The following ARHGAP11A variants were observed in gnomAD, a reference collection of about 807,000 sequenced individuals.
ARHGAP11A encodes the protein Rho GTPase activating protein 11A.
ARHGAP11A carries 36 observed loss-of-function variants against 60.5 expected under a neutral mutation model. That is an observed-to-expected ratio of 0.59 (90% CI 0.46 to 0.79). The LOEUF is 0.79. Among genes scored for constraint, ARHGAP11A ranks in the 30% least tolerant of loss-of-function variants. The pLI, the probability that ARHGAP11A is intolerant of heterozygous loss-of-function variation, is 0.00. For missense variants in ARHGAP11A, 1,071 were observed against 1,199.2 expected, an observed-to-expected ratio of 0.89 and a Z score of 1.58; for synonymous variants, 362 against 415.5, an observed-to-expected ratio of 0.87 and a Z score of 1.57.
chr15:32,628,048 A>C (rs1406783321), intron 6 of ARHGAP11A, among the ~76,000 whole-genome samples: 1 of 152,126 alleles, frequency 6.6e-6, no homozygotes, highest in East Asian at 1.9e-4. Context: ...GACATCAAGT[A>C]ATCTGCTTGC....
rs368624593 is a variant in ARHGAP11A, at chr15:32,616,173, A to T, written c.-39A>T. 2.9e-5 allele frequency: 46 copies of T among 1,608,706 alleles called. No homozygotes were observed. The African/African-American group carries it at 5.6e-4, about 20-fold the overall frequency. ...GACTTGGTGGCGAACGAGGGTCAGG[A>T]CCTGCATCCTGCCTCAGAGAGTTAT... On this transcript the variant is annotated 5_prime_UTR_variant, in exon 1 of 12. Coordinates refer to ENST00000361627, the MANE Select transcript of ARHGAP11A (RefSeq NM_014783.6).
In ARHGAP11A at chr15:32,637,620, A is replaced by G. The variant is rs2053755478; in HGVS notation, c.2847A>G (p.Lys949=). 1.9e-6 allele frequency: 3 copies of G among 1,614,046 alleles called. No individual in the cohort carries two copies. The highest frequency in any genetic ancestry group is 2.5e-6 in the Non-Finnish European group (3 of 1,180,048). The change falls in exon 12 of 12, where the codon AAA becomes AAG. Residue 949 remains lysine (K), a synonymous_variant. Transcript: ENST00000361627. The part of the protein sequence containing the change: ...NASLRSTTVY[K]QKILSDGQVK... ...CTCTTAGGTCTACTACAGTTTATAA[A>G]CAGAAGATCTTATCTGATGGCCAAG...
chr15:32,633,136 A>T, intron 9 of ARHGAP11A, 28 bp downstream of exon 9: 1 of 1,612,264 alleles, frequency 6.2e-7, no homozygotes, highest in South Asian at 1.1e-5. Flanking sequence ...TTTTGTTTTC[A>T]TCGGATAAAT....
intron 2 of ARHGAP11A, among the ~76,000 whole-genome samples, chr15:32,621,129 A>AATCTATT (rs1555429621): frequency 1.1e-5 from 1 of 90,846 alleles, no homozygotes; most frequent in Non-Finnish European, 2.1e-5. Context: ...TGTTTGTGAA[A>AATCTATT]ATGTATCACT....
At chr15:32,629,876 G>A in intron 8 of ARHGAP11A, 114 bp downstream of exon 8, 1 of 703,978 alleles carries the variant, frequency 1.4e-6, no homozygotes, top group South Asian at 2.5e-5. Flanking sequence ...ACTTTATTCT[G>A]TTTTATCCAA....
At position 32,616,460 on chromosome 15, in the gene ARHGAP11A, A is replaced by T. The variant is rs998036374; in HGVS notation, c.129+120A>T. Reference sequence around the variant, plus strand: ...ATCAAAAAGAATGGTTAGGTGTGTAATTCAGTTCAGATGGTCGATTGCTGA... The same window carrying T: ...ATCAAAAAGAATGGTTAGGTGTGTATTTCAGTTCAGATGGTCGATTGCTGA... On this transcript the variant is annotated intron_variant, in intron 1 of 11. Coordinates refer to ENST00000361627, the MANE Select transcript of ARHGAP11A (RefSeq NM_014783.6). The T allele has an allele frequency of 5.5e-6, 8 of 1,447,474 alleles. No homozygotes were observed. The Admixed American group carries it at 1.5e-4, about 27-fold the overall frequency. The allele number at this position is 1,447,474 out of a possible 1,614,324, so 89.7% of individuals were successfully genotyped here.
rs777678826 is a variant in ARHGAP11A, at chr15:32,625,519, C to A, written c.748C>A (p.Pro250Thr). The A allele has an allele frequency of 6.8e-6, 11 of 1,613,778 alleles. 1 individual carries two copies. The highest frequency in any genetic ancestry group is 1.7e-5 in the Admixed American group (1 of 59,990). ...ACCAGATTTTATCCTGGAAAAGATA[C>A]CAGCCATGTTGGGTATTGATGGTCT... ...RVPDFILEKIPAMLGIDGLCA... is the reference protein window; with the variant it reads ...RVPDFILEKITAMLGIDGLCA... Residue 250 changes from proline (P) to threonine (T), a missense_variant, in exon 6 of 12, where the codon CCA (proline) becomes ACA (threonine). Around this residue, in one of 4 missense-constraint regions of ARHGAP11A, gnomAD observed 196 missense variants for 272.1 expected, o/e 0.72. Coordinates refer to ENST00000361627, the MANE Select transcript of ARHGAP11A (RefSeq NM_014783.6).
intron 1 of ARHGAP11A, 40 bp from the exon 2 acceptor site, chr15:32,620,068 C>T (rs757046414): frequency 8.4e-6 from 13 of 1,539,672 alleles, no homozygotes; most frequent in Non-Finnish European, 1.1e-5. Context: ...TGATATTATG[C>T]CTAATATTTG....
chr15:32,637,406 G>A lies in ARHGAP11A; in HGVS notation c.2633G>A (p.Gly878Asp), dbSNP rs753922473. The A allele has an allele frequency of 2.5e-6, 4 of 1,614,152 alleles. No individual in the cohort carries two copies. The highest frequency in any genetic ancestry group is 3.4e-6 in the Non-Finnish European group (4 of 1,180,024). The change falls in exon 12 of 12, where the codon GGT becomes GAT. Residue 878 changes from glycine to aspartate, a missense_variant. This residue lies in a region of ARHGAP11A where 776 missense variants were observed against 760.2 expected (regional missense o/e 1.02). Coordinates refer to ENST00000361627, the MANE Select transcript of ARHGAP11A (RefSeq NM_014783.6). ...SPLVKSVSCD[G>D]ALSSCIESAS... is the part of the protein sequence containing the mutation. ...TTGGTCAAATCAGTGAGCTGTGACG[G>A]TGCTCTTTCCTCTTGTATAGAAAGT...
intron 2 of ARHGAP11A, among the ~76,000 whole-genome samples, chr15:32,622,617 T>C (rs1387951085): frequency 6.6e-6 from 1 of 152,022 alleles, no homozygotes; most frequent in Non-Finnish European, 1.5e-5. Context: ...CAATTGTTGG[T>C]AGCCGATATT....
At chr15:32,623,179 C>A (rs1316779343) in intron 2 of ARHGAP11A, among the ~76,000 whole-genome samples, 1 of 150,078 alleles carries the variant, frequency 6.7e-6, no homozygotes, top group Non-Finnish European at 1.5e-5. Flanking sequence ...TGAGTAGAGA[C>A]TGAGATATGA....
chr15:32,635,798 A>G lies in ARHGAP11A; in HGVS notation c.1366A>G (p.Arg456Gly), dbSNP rs368213534. 4.4e-6 allele frequency: 7 copies of G among 1,608,586 alleles called. No homozygotes were observed. Among genetic ancestry groups the G allele is most frequent in the South Asian group, 1.1e-5 (1 of 89,906 alleles). Residue 456 changes from arginine to glycine, a missense_variant, in exon 11 of 12, where the codon AGA becomes GGA. Physicochemically the swap from Arg to Gly is moderately radical, Grantham distance 125 (BLOSUM62 -2). This residue lies in a region of ARHGAP11A where 776 missense variants were observed against 760.2 expected (regional missense o/e 1.02). Coordinates refer to ENST00000361627, the MANE Select transcript of ARHGAP11A (RefSeq NM_014783.6). Reference protein sequence around the residue: ...REVNGCSGVNRYESVGWRLAN... With the variant: ...REVNGCSGVNGYESVGWRLAN... ...ACAGAATGGATGTTCTGGTGTCAAT[A>G]GATATGAAAGTGTTGGTTGGCGACT...
intron 10 of ARHGAP11A, among the ~76,000 whole-genome samples, chr15:32,634,914 T>G (rs2053671024): frequency 6.6e-6 from 1 of 152,238 alleles, no homozygotes; most frequent in South Asian, 2.1e-4. Context: ...CTAAGTTCTG[T>G]CATCTCTCAG....
At chr15:32,628,894 C>T in intron 7 of ARHGAP11A, 92 bp downstream of exon 7, 1 of 959,608 alleles carries the variant, frequency 1.0e-6, no homozygotes, top group East Asian at 3.1e-5. Flanking sequence ...ACTTAGTAAT[C>T]AAATTTAGTT....
intron 2 of ARHGAP11A, among the ~76,000 whole-genome samples, chr15:32,622,893 G>C (rs1293785791): frequency 6.6e-6 from 1 of 152,208 alleles, no homozygotes; most frequent in East Asian, 1.9e-4. Flanking sequence ...CTTGGACAGA[G>C]CCCTGGGTTG....
intron 1 of ARHGAP11A, among the ~76,000 whole-genome samples, chr15:32,616,804 G>T (rs1567046813): frequency 6.6e-6 from 1 of 152,222 alleles, no homozygotes; most frequent in Non-Finnish European, 1.5e-5. Flanking sequence ...GAGTAAGGTT[G>T]TAGAGGGACA....
In ARHGAP11A at chr15:32,638,555, T is replaced by C. The variant is rs1343881382; in HGVS notation, c.*710T>C. On this transcript the variant is annotated 3_prime_UTR_variant, in exon 12 of 12. Coordinates refer to ENST00000361627, the MANE Select transcript of ARHGAP11A (RefSeq NM_014783.6). The stretch of plus-strand genomic sequence containing the variant: ...GTAGAGATAAACTCTGCAAATCTTA[T>C]GTCTGGAATTATATTAATGTTTATT... The C allele has an allele frequency of 6.6e-6, 1 of 152,282 alleles. No homozygotes were observed. The highest frequency in any genetic ancestry group is 1.5e-5 in the Non-Finnish European group (1 of 68,034). The allele number at this position is 152,282 out of a possible 1,614,324, so 9.4% of individuals were successfully genotyped here.
chr15:32,633,713 A>T (rs764808046), intron 9 of ARHGAP11A, among the ~76,000 whole-genome samples: 9 of 152,240 alleles, frequency 5.9e-5, no homozygotes, highest in Non-Finnish European at 8.8e-5. Context: ...ATTCTGAGTT[A>T]TAACTGACTG....
chr15:32,635,758 CTTTT>C lies in ARHGAP11A; in HGVS notation c.1345-12_1345-9del, dbSNP rs755229631. ...AACTAGGCTTATTTCTTAACTAAAA[CTTTT>C]TTTTTTCTGTACAGAATGGATGTTC... On this transcript the variant is annotated splice_polypyrimidine_tract_variant and intron_variant, in intron 10 of 11. Transcript: ENST00000361627. 4 of 1,371,092 alleles carry C rather than the reference CTTTT, an allele frequency of 2.9e-6. No homozygotes were observed. Among genetic ancestry groups the C allele is most frequent in the African/African-American group, 1.5e-5 (1 of 66,358 alleles). 84.9% of individuals were successfully genotyped at this position (1,371,092 alleles called of 1,614,324 possible).
Sources: allele counts gnomAD v4.1 joint callset (sites outside exome capture counted in the v4.1 genomes callset), GRCh38; gene constraint gnomAD v4.1.1; regional missense constraint gnomAD v4.1.1; transcripts MANE v1.5; gene names NCBI Gene and HGNC (gene_info 2026-07-23, HGNC 2026-07-21).